GPC5: variants seen among roughly 807,000 people sequenced by gnomAD.
The protein encoded by GPC5 is glypican 5.
Under a neutral mutation model 53.9 loss-of-function variants are expected in GPC5, and 47 were observed. The ratio of observed to expected loss-of-function variants is 0.87; its 90% CI spans 0.69 to 1.11. GPC5 has a LOEUF of 1.11. Ranked by LOEUF, GPC5 falls within the 50% of genes most tolerant of loss-of-function variation. The pLI is 0.00. For synonymous variants in GPC5, 286 were observed against 263.3 expected (o/e 1.09, Z -0.84); for missense variants, 748 against 713.1 (o/e 1.05, Z -0.56).
intron 7 of GPC5, among the ~76,000 whole-genome samples, chr13:92,603,391 CTTCTAAAGAGG>C (rs1884147710): frequency 6.6e-6 from 1 of 152,132 alleles, no homozygotes; most frequent in African/African-American, 2.4e-5. Flanking sequence ...TACATGAAGC[CTTCTAAAGAGG>C]TTCTGAGCAT....
chr13:92,775,735 CATATCT>C (rs1272549377), intron 7 of GPC5, among the ~76,000 whole-genome samples: 2 of 152,164 alleles, frequency 1.3e-5, no homozygotes, highest in African/African-American at 4.8e-5. Context: ...CTATTTAGCT[CATATCT>C]ATAAGAGTTC....
chr13:91,977,666 T>C (rs1450463460), intron 6 of GPC5, among the ~76,000 whole-genome samples: 1 of 152,194 alleles, frequency 6.6e-6, no homozygotes. Context: ...AAAACTCCCT[T>C]GTTAAAGATA....
intron 6 of GPC5, among the ~76,000 whole-genome samples, chr13:92,040,243 G>A (rs563004994): frequency 6.6e-6 from 1 of 152,188 alleles, no homozygotes; most frequent in African/African-American, 2.4e-5. Flanking sequence ...AGCTATGTGG[G>A]TTTTCGCCAG....
chr13:92,284,008 G>T (rs2042935186), intron 7 of GPC5, among the ~76,000 whole-genome samples: 1 of 151,976 alleles, frequency 6.6e-6, no homozygotes, highest in South Asian at 2.1e-4. Flanking sequence ...GACTAATAAA[G>T]AAGAAAAGAA....
chr13:92,507,169 C>T (rs752349546), intron 7 of GPC5, among the ~76,000 whole-genome samples: 1 of 152,302 alleles, frequency 6.6e-6, no homozygotes. Context: ...TAATCATTCT[C>T]TACTCCCCAG....
chr13:91,470,934 T>C (rs981388045), intron 2 of GPC5, among the ~76,000 whole-genome samples: 2 of 152,180 alleles, frequency 1.3e-5, no homozygotes, highest in Non-Finnish European at 2.9e-5. Context: ...TCTGATTTTA[T>C]TGTAAGTGAT....
At chr13:92,397,301 G>A (rs1258350659) in intron 7 of GPC5, among the ~76,000 whole-genome samples, 1 of 152,178 alleles carries the variant, frequency 6.6e-6, no homozygotes, top group Admixed American at 6.5e-5. Context: ...TGTTCTTGTG[G>A]TAGTGAAGAC....
intron 7 of GPC5, among the ~76,000 whole-genome samples, chr13:92,661,635 C>T (rs903074795): frequency 1.3e-5 from 2 of 152,160 alleles, no homozygotes; most frequent in African/African-American, 4.8e-5. Flanking sequence ...TATTGCTCAA[C>T]ATTTAGAATA....
In GPC5 at chr13:92,178,607, C is replaced by T. The variant is rs1018768867; in HGVS notation, c.1561+33618C>T. ...TATATCAACAGTTGCTAATTCCTTA[C>T]ATTAATATATGCTATTTTGCATCTT... On this transcript the variant is annotated intron_variant, in intron 7 of 7. Coordinates refer to ENST00000377067, the MANE Select transcript of GPC5 (RefSeq NM_004466.6). Among the ~76,000 whole-genome samples the T allele has an allele frequency of 5.3e-5, 8 of 151,998 alleles. No individual in the cohort carries two copies. In the East Asian group the frequency reaches 1.5e-3, roughly 29 times the overall value.
intron 1 of GPC5, among the ~76,000 whole-genome samples, chr13:91,445,267 G>T (rs1170246237): frequency 1.3e-5 from 2 of 152,104 alleles, no homozygotes; most frequent in African/African-American, 4.8e-5. Context: ...TAAAATAAAG[G>T]TTACTTGAAC....
rs2039108746 is a variant in GPC5 at position 91,868,515 on chromosome 13, G to A, written c.1281-39422G>A. Among the ~76,000 whole-genome samples, 3 of 151,914 alleles carry A rather than the reference G, an allele frequency of 2.0e-5. No homozygotes were observed. The South Asian group carries it at 6.2e-4, about 32-fold the overall frequency. On this transcript the variant is annotated intron_variant, in intron 5 of 7. Coordinates refer to ENST00000377067, the MANE Select transcript of GPC5 (RefSeq NM_004466.6). ...AGCCTGGGAGTTGAAGACCAGACTG[G>A]GTAATATAGCAAAAAACCCTGTCCA...
chr13:92,190,206 C>A (rs927716928), intron 7 of GPC5, among the ~76,000 whole-genome samples: 34 of 152,038 alleles, frequency 2.2e-4, no homozygotes, highest in African/African-American at 7.7e-4. Flanking sequence ...AGAAAAAAAA[C>A]CACCAATGGA....
At chr13:92,240,970 A>G (rs1216735175) in intron 7 of GPC5, 4 of 152,226 alleles carry the variant, frequency 2.6e-5, no homozygotes, top group East Asian at 1.9e-4. Context: ...GGGAGAAACT[A>G]TTCTCTTATT....
intron 7 of GPC5, among the ~76,000 whole-genome samples, chr13:92,201,416 T>C (rs142083296): frequency 6.6e-6 from 1 of 152,238 alleles, no homozygotes; most frequent in African/African-American, 2.4e-5. Flanking sequence ...TGGGTTCAAC[T>C]GTCATAGAAG....
chr13:92,734,921 A>G (rs1888898969), intron 7 of GPC5, among the ~76,000 whole-genome samples: 1 of 151,930 alleles, frequency 6.6e-6, no homozygotes, highest in Admixed American at 6.6e-5. Flanking sequence ...TCAGAGTCCA[A>G]TGACTATGGT....
chr13:92,731,256 C>A (rs956761228), intron 7 of GPC5, among the ~76,000 whole-genome samples: 6 of 151,422 alleles, frequency 4.0e-5, no homozygotes, highest in African/African-American at 1.5e-4. Flanking sequence ...TGGAAAAATA[C>A]TTCAATGTGA....
At chr13:92,531,313 T>G (rs1282159678) in intron 7 of GPC5, among the ~76,000 whole-genome samples, 2 of 152,044 alleles carry the variant, frequency 1.3e-5, no homozygotes, top group Non-Finnish European at 2.9e-5. Flanking sequence ...TAATACATGC[T>G]TGAATATTGA....
At chr13:91,717,771 G>T (rs1018519819) in intron 3 of GPC5, among the ~76,000 whole-genome samples, 13 of 151,962 alleles carry the variant, frequency 8.6e-5, no homozygotes, top group African/African-American at 3.1e-4. Flanking sequence ...TGGCCAGGCT[G>T]GTCTCGAACT....
intron 7 of GPC5, among the ~76,000 whole-genome samples, chr13:92,390,857 A>AT (rs1874970172): frequency 6.6e-6 from 1 of 152,102 alleles, no homozygotes; most frequent in African/African-American, 2.4e-5. Flanking sequence ...ATCAGAGTCT[A>AT]TTTTTTGCAA....
Sources: gnomAD v4.1 joint callset for allele counts (sites outside exome capture counted in the v4.1 genomes callset) on GRCh38, gnomAD v4.1.1 for gene constraint, MANE v1.5 for transcripts, NCBI Gene and HGNC (gene_info 2026-07-23, HGNC 2026-07-21) for gene names.